The following EYS variants were observed in gnomAD, a reference collection of about 807,000 sequenced individuals.
EYS encodes the protein EGF-like photoreceptor maintenance factor.
A neutral mutation model predicts 282.1 loss-of-function variants in EYS; 250 were observed. The observed-to-expected ratio is 0.89, with a 90% CI of 0.80 to 0.98. EYS has a LOEUF of 0.98. EYS is among the 50% of genes least tolerant of loss of function. The pLI, the probability that EYS is intolerant of heterozygous loss-of-function variation, is 0.00. For missense variants in EYS, 4,016 were observed against 3,709.0 expected (o/e 1.08, Z -2.15); for synonymous variants, 1,355 against 1,282.9 (o/e 1.06, Z -1.20).
chr6:65,676,572 T>G (rs898859913), intron 1 of EYS, among the ~76,000 whole-genome samples: 2 of 151,712 alleles, frequency 1.3e-5, no homozygotes, highest in Non-Finnish European at 3.0e-5. Flanking sequence ...AGCAAAAACC[T>G]CTCAACAGAA....
chr6:65,129,921 AGTGTACTGGCAAAAGAAAAT>A (rs1035685065), intron 12 of EYS, among the ~76,000 whole-genome samples: 10 of 151,906 alleles, frequency 6.6e-5, no homozygotes, highest in Admixed American at 2.0e-4. Flanking sequence ...GTATATCAAC[AGTGTACTGGCAAAAGAAAAT>A]GTGGTACATA....
At chr6:64,439,059 T>C (rs1774847109) in intron 27 of EYS, 103 bp downstream of exon 27, 1 of 589,470 alleles carries the variant, frequency 1.7e-6, no homozygotes, top group South Asian at 3.0e-5. Context: ...GTGAGTATAA[T>C]ATATAGAGTT....
At chr6:64,092,458 A>G (rs1415083429) in intron 31 of EYS, among the ~76,000 whole-genome samples, 1 of 151,280 alleles carries the variant, frequency 6.6e-6, no homozygotes, top group African/African-American at 2.4e-5. Flanking sequence ...CTGGTGTGAG[A>G]TGGTATCTCA....
chr6:63,734,430 A>T (rs1255917550), intron 41 of EYS, among the ~76,000 whole-genome samples: 1 of 152,144 alleles, frequency 6.6e-6, no homozygotes, highest in East Asian at 1.9e-4. Flanking sequence ...ATCTGATGGA[A>T]GTTAAACAAT....
At chr6:64,173,519 C>G (rs1341159832) in intron 31 of EYS, among the ~76,000 whole-genome samples, 1 of 152,156 alleles carries the variant, frequency 6.6e-6, no homozygotes, top group Admixed American at 6.5e-5. Flanking sequence ...TTCCCTCCCT[C>G]TATCCGCTTC....
intron 26 of EYS, among the ~76,000 whole-genome samples, chr6:64,588,046 C>T (rs967441351): frequency 3.3e-5 from 5 of 151,972 alleles, no homozygotes; most frequent in South Asian, 2.1e-4. Context: ...ATTAATTAGA[C>T]TAGATGGTAT....
At chr6:65,250,882 A>C (rs553396141) in intron 12 of EYS, among the ~76,000 whole-genome samples, 1 of 151,918 alleles carries the variant, frequency 6.6e-6, no homozygotes, top group African/African-American at 2.4e-5. Flanking sequence ...TTAATTCTAC[A>C]ATAATGCTAG....
At chr6:63,750,475 C>T (rs1350406105) in intron 41 of EYS, among the ~76,000 whole-genome samples, 2 of 152,192 alleles carry the variant, frequency 1.3e-5, no homozygotes, top group Admixed American at 1.3e-4. Flanking sequence ...TTGGAATCTG[C>T]CTGCTGAACT....
In EYS at chr6:65,155,528, G is replaced by A. The variant is rs569292838; in HGVS notation, c.2024-97801C>T. On this transcript the variant is annotated intron_variant, in intron 12 of 42. Transcript: ENST00000503581. ...GAGTTTGTAGATTAAATGAGTCTTG[G>A]AAACGTTTGCTGAAATGTATAGATT... is the stretch of plus-strand genomic sequence containing the variant. Among the ~76,000 whole-genome samples, 3 of 151,544 alleles carry A rather than the reference G, an allele frequency of 2.0e-5. No homozygotes were observed. The South Asian group carries it at 6.2e-4, about 31-fold the overall frequency.
intron 35 of EYS, among the ~76,000 whole-genome samples, chr6:63,963,916 TGCTAGTA>T (rs1322170794): frequency 3.9e-5 from 6 of 152,218 alleles, no homozygotes; most frequent in African/African-American, 1.4e-4. Flanking sequence ...TCATTTTTCT[TGCTAGTA>T]GCAGGAATTT....
chr6:65,275,232 A>G (rs1582090281), intron 12 of EYS, among the ~76,000 whole-genome samples: 1 of 152,290 alleles, frequency 6.6e-6, no homozygotes, highest in East Asian at 1.9e-4. Context: ...CGCTGTGGCT[A>G]ACTATGCTCC....
intron 18 of EYS, among the ~76,000 whole-genome samples, chr6:64,890,190 C>A (rs1164712041): frequency 2.0e-5 from 3 of 152,054 alleles, no homozygotes; most frequent in African/African-American, 7.2e-5. Context: ...GCTCTCAAAA[C>A]CCTGTCTCCT....
chr6:64,901,061 T>G (rs946287127), intron 18 of EYS, among the ~76,000 whole-genome samples: 4 of 151,110 alleles, frequency 2.6e-5, no homozygotes, highest in Non-Finnish European at 2.9e-5. Context: ...CTATGAGCTA[T>G]AAAAAAGAAT....
chr6:65,116,886 C>T (rs1581923975), intron 12 of EYS, among the ~76,000 whole-genome samples: 1 of 96,970 alleles, frequency 1.0e-5, no homozygotes, highest in Admixed American at 1.0e-4. Context: ...GAGAATATTT[C>T]CTGCCACCCT....
At chr6:63,888,190 A>T (rs1562080161) in intron 35 of EYS, among the ~76,000 whole-genome samples, 1 of 152,158 alleles carries the variant, frequency 6.6e-6, no homozygotes, top group Non-Finnish European at 1.5e-5. Context: ...GCACTGGGGG[A>T]AGGGGCAGCT....
At chr6:64,401,647 A>G (rs1358933307) in intron 28 of EYS, among the ~76,000 whole-genome samples, 3 of 152,004 alleles carry the variant, frequency 2.0e-5, no homozygotes, top group Non-Finnish European at 2.9e-5. Context: ...AAGTAAATAT[A>G]AAATATATTC....
intron 36 of EYS, chr6:63,821,422 C>A (rs777950234): frequency 1.3e-5 from 2 of 152,140 alleles, no homozygotes; most frequent in Non-Finnish European, 2.9e-5. Flanking sequence ...CCTTTCACCT[C>A]AAATCAAGAG....
chr6:64,020,146 G>C (rs951446459), intron 33 of EYS, among the ~76,000 whole-genome samples: 5 of 152,032 alleles, frequency 3.3e-5, no homozygotes, highest in Non-Finnish European at 5.9e-5. Context: ...ATTCTTGTTT[G>C]ATAGCAGAGT....
chr6:65,627,760 G>T (rs1359884971), intron 2 of EYS, among the ~76,000 whole-genome samples: 1 of 152,200 alleles, frequency 6.6e-6, no homozygotes, highest in Non-Finnish European at 1.5e-5. Flanking sequence ...ATTTCTCACC[G>T]AGCCTTAGCT....
Sources: allele counts gnomAD v4.1 joint callset (sites outside exome capture counted in the v4.1 genomes callset), GRCh38; gene constraint gnomAD v4.1.1; transcripts MANE v1.5; gene names NCBI Gene and HGNC (gene_info 2026-07-23, HGNC 2026-07-21).